The following ANKS1B variants were observed in gnomAD, a reference collection of about 807,000 sequenced individuals.
ANKS1B encodes ankyrin repeat and sterile alpha motif domain-containing protein 1B.
ANKS1B carries 36 observed loss-of-function variants against 148.3 expected under a neutral mutation model. The ratio of observed to expected loss-of-function variants is 0.24; its 90% CI spans 0.19 to 0.32. The LOEUF (loss-of-function observed/expected upper bound fraction) is 0.32. Ranked by LOEUF, ANKS1B falls within the 10% of genes least tolerant of loss-of-function variation. The pLI is 1.00. For missense variants in ANKS1B, 1,157 were observed against 1,542.6 expected (o/e 0.75, Z 4.19); for synonymous variants, 542 against 560.8 (o/e 0.97, Z 0.47).
In ANKS1B at chr12:98,795,864, T is replaced by C. The variant is rs781551840; in HGVS notation, c.3342+3070A>G. 1.5e-4 allele frequency among the ~76,000 whole-genome samples: 23 copies of C among 152,296 alleles called. 1 individual carries two copies. The highest frequency in any genetic ancestry group is 8.5e-4 in the Admixed American group (13 of 15,300). On this transcript the variant is annotated intron_variant, in intron 22 of 26. Transcript: ENST00000683438. ...TGACTTAACTTCTCTTGGACTTTGTTTTCCCATATGTAAAGTGGGAGCAAT... is the reference window on the plus strand; with the variant it reads ...TGACTTAACTTCTCTTGGACTTTGTCTTCCCATATGTAAAGTGGGAGCAAT...
At chr12:99,926,050 C>G (rs7296031) in intron 1 of ANKS1B, among the ~76,000 whole-genome samples, 13 of 152,204 alleles carry the variant, frequency 8.5e-5, no homozygotes, top group African/African-American at 3.1e-4. Flanking sequence ...TATCCCATTT[C>G]ACATTCCAAA....
chr12:99,164,259 T>C (rs1378728678), intron 14 of ANKS1B, among the ~76,000 whole-genome samples: 1 of 152,144 alleles, frequency 6.6e-6, no homozygotes, highest in East Asian at 1.9e-4. Context: ...TTTAAAAATG[T>C]GTCTCATAAA....
intron 17 of ANKS1B, among the ~76,000 whole-genome samples, chr12:99,040,369 G>A (rs1743657361): frequency 6.6e-6 from 1 of 152,024 alleles, no homozygotes; most frequent in Admixed American, 6.6e-5. Flanking sequence ...TGTGCACCAT[G>A]TGCCCTCCAG....
At chr12:99,783,048 A>G (rs548921170) in intron 4 of ANKS1B, among the ~76,000 whole-genome samples, 1 of 152,148 alleles carries the variant, frequency 6.6e-6, no homozygotes, top group South Asian at 2.1e-4. Flanking sequence ...AAAATTAGCC[A>G]GGCGTGGTGG....
At chr12:99,271,110 T>C (rs745436289) in intron 12 of ANKS1B, among the ~76,000 whole-genome samples, 3 of 152,374 alleles carry the variant, frequency 2.0e-5, no homozygotes, top group Admixed American at 6.5e-5. Flanking sequence ...TCACTACTTC[T>C]TGCCTTGCGC....
chr12:99,680,164 G>C (rs1462727618), intron 8 of ANKS1B, among the ~76,000 whole-genome samples: 1 of 152,216 alleles, frequency 6.6e-6, no homozygotes, highest in East Asian at 1.9e-4. Context: ...AAGCAGGCCA[G>C]GTATGGTGGC....
chr12:99,777,586 T>G (rs1437612556), intron 6 of ANKS1B, among the ~76,000 whole-genome samples: 2 of 151,982 alleles, frequency 1.3e-5, no homozygotes, highest in South Asian at 2.1e-4. Context: ...TGTTTGTTTG[T>G]TTTGTTTGGT....
chr12:99,555,520 T>A (rs762621372), intron 9 of ANKS1B, among the ~76,000 whole-genome samples: 7 of 152,186 alleles, frequency 4.6e-5, no homozygotes, highest in Admixed American at 2.6e-4. Flanking sequence ...TTGTTTCAGT[T>A]CTCAAGGGTT....
chr12:99,622,834 C>A (rs376595046), intron 9 of ANKS1B, among the ~76,000 whole-genome samples: 1 of 151,996 alleles, frequency 6.6e-6, no homozygotes, highest in Admixed American at 6.6e-5. Flanking sequence ...AGAGCCAGTA[C>A]CAATTCTACT....
intron 15 of ANKS1B, among the ~76,000 whole-genome samples, chr12:99,123,536 G>C (rs2063498368): frequency 6.6e-6 from 1 of 152,084 alleles, no homozygotes; most frequent in African/African-American, 2.4e-5. Context: ...CCCACAATAG[G>C]CCACCTGCAA....
intron 8 of ANKS1B, among the ~76,000 whole-genome samples, chr12:99,764,822 C>G (rs2062491933): frequency 6.6e-6 from 1 of 152,124 alleles, no homozygotes; most frequent in Admixed American, 6.6e-5. Context: ...TCTTGAATGC[C>G]TGAGTTAAAC....
chr12:99,064,253 G>A (rs917459072), intron 16 of ANKS1B, among the ~76,000 whole-genome samples: 5 of 152,140 alleles, frequency 3.3e-5, no homozygotes, highest in Admixed American at 6.5e-5. Flanking sequence ...TTTCTATTTC[G>A]TGAAAAAGAG....
chr12:99,632,754 TATA>T (rs1421412363), intron 9 of ANKS1B, among the ~76,000 whole-genome samples: 50 of 110,774 alleles, frequency 4.5e-4, no homozygotes, highest in African/African-American at 1.6e-3. Context: ...TATATATATA[TATA>T]TATATATATA....
intron 12 of ANKS1B, among the ~76,000 whole-genome samples, chr12:99,373,244 A>G (rs775155429): frequency 9.2e-5 from 14 of 152,190 alleles, no homozygotes; most frequent in Admixed American, 1.3e-4. Flanking sequence ...CATTATGTGC[A>G]TGTAACTGTA....
chr12:99,282,480 T>C (rs769483309), intron 12 of ANKS1B, among the ~76,000 whole-genome samples: 3 of 152,164 alleles, frequency 2.0e-5, no homozygotes, highest in Admixed American at 6.6e-5. Context: ...TTCAAAAGAC[T>C]ACTCTGGCTA....
chr12:99,581,631 C>T (rs2097570175), intron 9 of ANKS1B, among the ~76,000 whole-genome samples: 1 of 152,056 alleles, frequency 6.6e-6, no homozygotes, highest in Admixed American at 6.5e-5. Context: ...TGGCTCACGC[C>T]TGTAATCCCA....
rs1184028139 is a variant in ANKS1B at position 98,773,084 on chromosome 12, C to A, written c.3537G>T (p.Lys1179Asn). 6.2e-7 allele frequency: 1 copy of A among 1,613,980 alleles called. No homozygotes were observed. The highest frequency in any genetic ancestry group is 1.1e-5 in the South Asian group (1 of 91,070). Residue 1179 changes from lysine (K) to asparagine (N), a missense_variant, in exon 25 of 27, where the codon AAG (lysine) becomes AAT (asparagine). Transcript: ENST00000683438. ...STFAYITKDL[K>N]SNHHYCHVFT... ...ACACATGACAGTAGTGGTGATTAGA[C>A]TTCAAATCTTTTGTGATATAGGCAA...
At chr12:99,034,406 C>G (rs1375424711) in intron 17 of ANKS1B, among the ~76,000 whole-genome samples, 2 of 152,136 alleles carry the variant, frequency 1.3e-5, no homozygotes, top group African/African-American at 4.8e-5. Context: ...AGCCTGATCT[C>G]CTGGGCTTAA....
chr12:99,221,339 C>CAAAAT (rs911301396), intron 14 of ANKS1B, among the ~76,000 whole-genome samples: 88 of 151,786 alleles, frequency 5.8e-4, no homozygotes, highest in Middle Eastern at 3.4e-3. Context: ...GACTCCATCT[C>CAAAAT]AAAATAAAAT....
Sources: allele counts gnomAD v4.1 joint callset (sites outside exome capture counted in the v4.1 genomes callset), GRCh38; gene constraint gnomAD v4.1.1; transcripts MANE v1.5; gene names NCBI Gene and HGNC (gene_info 2026-07-23, HGNC 2026-07-21).